Variants in EPHA3 observed in about 807,000 individuals in gnomAD.
The protein encoded by EPHA3 is ephrin type-A receptor 3.
Under a neutral mutation model 107.1 loss-of-function variants are expected in EPHA3, and 42 were observed. That is an observed-to-expected ratio of 0.39 (90% CI 0.31 to 0.51). EPHA3 has a LOEUF of 0.51. Ranked by LOEUF, EPHA3 falls within the 20% of genes least tolerant of loss-of-function variation. EPHA3 has a pLI of 0.78. For synonymous variants in EPHA3, 461 were observed against 424.8 expected (o/e 1.09, Z -1.05); for missense variants, 1,183 against 1,211.2 (o/e 0.98, Z 0.35).
At chr3:89,259,214 C>T (rs1705358898) in intron 3 of EPHA3, among the ~76,000 whole-genome samples, 1 of 152,136 alleles carries the variant, frequency 6.6e-6, no homozygotes, top group African/African-American at 2.4e-5. Context: ...TACTCTCAAG[C>T]TCACCAGTTC....
In EPHA3 at chr3:89,111,998, A is replaced by G. The variant is rs115352725; in HGVS notation, c.88+4162A>G. Among the ~76,000 whole-genome samples the G allele has an allele frequency of 4.5e-3, 681 of 152,124 alleles. 4 individuals carry two copies. Among genetic ancestry groups the G allele is most frequent in the African/African-American group, 0.016 (655 of 41,550 alleles). On this transcript the variant is annotated intron_variant, in intron 1 of 16. Transcript: ENST00000336596. ...TATATTTTTAAATTATTGTTACTGT[A>G]GTTGATAGGGTTTTCTTTGCCTATT...
chr3:89,286,640 T>C (rs1706089791), intron 3 of EPHA3, among the ~76,000 whole-genome samples: 1 of 152,138 alleles, frequency 6.6e-6, no homozygotes, highest in East Asian at 1.9e-4. Flanking sequence ...GAGGTTGTGT[T>C]CTTGGCAATG....
intron 3 of EPHA3, among the ~76,000 whole-genome samples, chr3:89,274,640 A>G (rs1705761449): frequency 6.6e-6 from 1 of 152,050 alleles, no homozygotes; most frequent in Non-Finnish European, 1.5e-5. Context: ...CTTATCTAGA[A>G]GTGAAAATCA....
At chr3:89,368,602 A>G (rs1708227946) in intron 5 of EPHA3, among the ~76,000 whole-genome samples, 1 of 150,454 alleles carries the variant, frequency 6.6e-6, no homozygotes, top group African/African-American at 2.4e-5. Context: ...TAGCAGACCC[A>G]AGAAGCTGGA....
intron 2 of EPHA3, among the ~76,000 whole-genome samples, chr3:89,204,713 T>G (rs1252702493): frequency 6.6e-6 from 1 of 152,126 alleles, no homozygotes; most frequent in Non-Finnish European, 1.5e-5. Flanking sequence ...TAGATATATT[T>G]GTGCGTGACA....
intron 15 of EPHA3, among the ~76,000 whole-genome samples, 190 bp from the exon 16 acceptor site, chr3:89,472,274 A>G (rs527866127): frequency 6.6e-6 from 1 of 152,350 alleles, no homozygotes; most frequent in East Asian, 1.9e-4. Flanking sequence ...AACTTAGACA[A>G]GATGATTACA....
chr3:89,346,726 T>C lies in EPHA3; in HGVS notation c.1306+4636T>C, dbSNP rs1387636521. 3.3e-5 allele frequency among the ~76,000 whole-genome samples: 5 copies of C among 150,460 alleles called. No individual in the cohort carries two copies. In the East Asian group the frequency reaches 7.8e-4, roughly 23 times the overall value. Reference sequence around the variant, plus strand: ...GTCCTGAATGGTATTGCCTAGGTTTTCTTCTAGGGTTTTTATGGTTTTAGG... The same window carrying C: ...GTCCTGAATGGTATTGCCTAGGTTTCCTTCTAGGGTTTTTATGGTTTTAGG... On this transcript the variant is annotated intron_variant, in intron 5 of 16. Transcript: ENST00000336596.
chr3:89,480,839 C>T lies in EPHA3; in HGVS notation c.*1337C>T, dbSNP rs186377358. On this transcript the variant is annotated 3_prime_UTR_variant, in exon 17 of 17. Coordinates refer to ENST00000336596, the MANE Select transcript of EPHA3 (RefSeq NM_005233.6). ...CACATGGTGCAGTTTTGGTGTGTAACTTAGAAGGATTGAACTTCTTTGAAT... is the reference window on the plus strand; with the variant it reads ...CACATGGTGCAGTTTTGGTGTGTAATTTAGAAGGATTGAACTTCTTTGAAT... The T allele has an allele frequency of 4.3e-6, 1 of 232,350 alleles. No individual in the cohort carries two copies. Among genetic ancestry groups the T allele is most frequent in the African/African-American group, 2.2e-5 (1 of 45,412 alleles). The allele number at this position is 232,350 out of a possible 1,614,324, so 14.4% of individuals were successfully genotyped here.
intron 3 of EPHA3, among the ~76,000 whole-genome samples, chr3:89,292,165 C>T (rs541093658): frequency 6.6e-6 from 1 of 152,106 alleles, no homozygotes; most frequent in Non-Finnish European, 1.5e-5. Flanking sequence ...ATAAGAATTA[C>T]AGTTAGCGCC....
chr3:89,357,189 G>A (rs1371929722), intron 5 of EPHA3, among the ~76,000 whole-genome samples: 15 of 146,448 alleles, frequency 1.0e-4, no homozygotes, highest in Non-Finnish European at 1.7e-4. Context: ...ACGGTGATAC[G>A]GGAAGAAACC....
At chr3:89,180,749 A>C (rs1705425950) in intron 2 of EPHA3, among the ~76,000 whole-genome samples, 1 of 152,012 alleles carries the variant, frequency 6.6e-6, no homozygotes, top group South Asian at 2.1e-4. Flanking sequence ...GGAAAAAAAT[A>C]GACTTGTTTC....
At chr3:89,351,211 C>A (rs1707808594) in intron 5 of EPHA3, among the ~76,000 whole-genome samples, 1 of 151,282 alleles carries the variant, frequency 6.6e-6, no homozygotes, top group African/African-American at 2.4e-5. Flanking sequence ...CGCCCCTCCC[C>A]CAGCCTCGCT....
intron 3 of EPHA3, among the ~76,000 whole-genome samples, chr3:89,319,827 G>A (rs1337664915): frequency 6.6e-6 from 1 of 151,918 alleles, no homozygotes; most frequent in Non-Finnish European, 1.5e-5. Flanking sequence ...TTTCAGTAGA[G>A]GCTCATGGTG....
chr3:89,459,458 C>A (rs1296076383), intron 15 of EPHA3, among the ~76,000 whole-genome samples: 1 of 147,346 alleles, frequency 6.8e-6, no homozygotes, highest in Admixed American at 6.9e-5. Flanking sequence ...TCTTTCTTCC[C>A]TTCTTTCTCT....
At chr3:89,335,919 T>C (rs1216219729) in intron 3 of EPHA3, among the ~76,000 whole-genome samples, 1 of 152,220 alleles carries the variant, frequency 6.6e-6, no homozygotes, top group Non-Finnish European at 1.5e-5. Context: ...TGTGTCATTT[T>C]GGCAGCAGCT....
At chr3:89,317,065 T>A (rs1440327748) in intron 3 of EPHA3, among the ~76,000 whole-genome samples, 1 of 151,822 alleles carries the variant, frequency 6.6e-6, no homozygotes, top group African/African-American at 2.4e-5. Context: ...GCCCTCCTTT[T>A]TAAAATCTAC....
intron 3 of EPHA3, among the ~76,000 whole-genome samples, chr3:89,234,658 A>ATTTCTTCC (rs1005325107): frequency 6.6e-6 from 1 of 151,676 alleles, no homozygotes. Flanking sequence ...GAGGGGATTT[A>ATTTCTTCC]TTTCTTCCTT....
intron 10 of EPHA3, among the ~76,000 whole-genome samples, chr3:89,416,783 G>A (rs1404422124): frequency 6.6e-6 from 1 of 151,328 alleles, no homozygotes; most frequent in African/African-American, 2.4e-5. Flanking sequence ...ATATATACAT[G>A]TACATGTTTA....
intron 10 of EPHA3, among the ~76,000 whole-genome samples, chr3:89,416,530 A>G (rs1709251868): frequency 6.6e-6 from 1 of 151,470 alleles, no homozygotes; most frequent in Non-Finnish European, 1.5e-5. Context: ...CAGCTATTTA[A>G]GTATACAATT....
Sources: allele counts gnomAD v4.1 joint callset (sites outside exome capture counted in the v4.1 genomes callset), GRCh38; gene constraint gnomAD v4.1.1; transcripts MANE v1.5; gene names NCBI Gene and HGNC (gene_info 2026-07-23, HGNC 2026-07-21).